CRACD: variants seen among roughly 807,000 people sequenced by gnomAD.
The protein encoded by CRACD is capping protein inhibiting regulator of actin dynamics.
In CRACD, 56 loss-of-function variants were observed where a neutral mutation model predicts 106.8. The ratio of observed to expected loss-of-function variants is 0.52; its 90% CI spans 0.42 to 0.66. The LOEUF (loss-of-function observed/expected upper bound fraction) is 0.66, where lower values mean the gene tolerates loss of function less well. CRACD is among the 30% of genes least tolerant of loss of function. The probability of loss-of-function intolerance (pLI) is 0.00; values close to 1 mark genes in which losing one functional copy is unlikely to be tolerated. For missense variants in CRACD, 1,730 were observed against 1,623.2 expected (o/e 1.07, Z -1.13); for synonymous variants, 754 against 670.8 (o/e 1.12, Z -1.92).
chr4:56,050,775 T>A (rs1731848795), intron 1 of CRACD, among the ~76,000 whole-genome samples: 1 of 152,226 alleles, frequency 6.6e-6, no homozygotes. Context: ...ATCATGTTAC[T>A]GGATCGCCCT....
Position 56,323,477 on chromosome 4 carries a change from G to C in CRACD, c.3288G>C (p.Lys1096Asn). The C allele has an allele frequency of 6.2e-7, 1 of 1,610,762 alleles. No individual in the cohort carries two copies. The highest frequency in any genetic ancestry group is 8.5e-7 in the Non-Finnish European group (1 of 1,179,182). ...QPLWITLALQ[K>N]QKGFREQQAT... Reference sequence around the variant, plus strand: ...TGTGGATAACGTTAGCACTGCAAAAGCAAAAGGGGTTTCGGGAGCAGCAGG... The same window carrying C: ...TGTGGATAACGTTAGCACTGCAAAACCAAAAGGGGTTTCGGGAGCAGCAGG... The change falls in exon 9 of 11, where the codon AAG (lysine) becomes AAC (asparagine). Residue 1096 changes from lysine (K) to asparagine (N), a missense_variant. Lys to Asn is a moderately conservative substitution (Grantham distance 94, BLOSUM62 0). Around this residue, in one of 5 missense-constraint regions of CRACD, gnomAD observed 1,620 missense variants for 1,481.6 expected, o/e 1.09. Coordinates refer to ENST00000682029, the MANE Select transcript of CRACD (RefSeq NM_001393381.1).
At chr4:56,149,672 A>G (rs1262012018) in intron 1 of CRACD, among the ~76,000 whole-genome samples, 1 of 152,248 alleles carries the variant, frequency 6.6e-6, no homozygotes, top group East Asian at 1.9e-4. Context: ...AATAGTCTCA[A>G]TAGAACTTTG....
intron 1 of CRACD, among the ~76,000 whole-genome samples, chr4:56,085,475 G>A (rs2109813245): frequency 6.6e-6 from 1 of 152,290 alleles, no homozygotes; most frequent in East Asian, 1.9e-4. Context: ...CTGCTGAATA[G>A]CTCTGTAGGC....
intron 1 of CRACD, among the ~76,000 whole-genome samples, chr4:56,152,873 A>AT (rs1458337168): frequency 2.0e-5 from 3 of 152,154 alleles, no homozygotes; most frequent in African/African-American, 7.2e-5. Context: ...AGGAGGGAAG[A>AT]TTTATTGCTT....
At chr4:56,292,683 C>T (rs1476210603) in intron 3 of CRACD, among the ~76,000 whole-genome samples, 4 of 152,122 alleles carry the variant, frequency 2.6e-5, no homozygotes, top group African/African-American at 9.7e-5. Flanking sequence ...TGCCACCACG[C>T]CCAGCTAATT....
chr4:56,266,918 A>T lies in CRACD; in HGVS notation c.-188-5403A>T, dbSNP rs113460788. Among the ~76,000 whole-genome samples the T allele has an allele frequency of 6.3e-3, 961 of 152,322 alleles. 2 individuals are homozygous for T. The highest frequency in any genetic ancestry group is 0.014 in the Middle Eastern group (4 of 292). On this transcript the variant is annotated intron_variant, in intron 2 of 10. Transcript: ENST00000682029. ...GAGAGATCTTATATTTGAGATTATC[A>T]ATTGGGGAATCAAATAAGAGTATAA... is the stretch of plus-strand genomic sequence containing the variant.
intron 1 of CRACD, among the ~76,000 whole-genome samples, chr4:56,121,282 G>A (rs140872418): frequency 0.024 from 3,595 of 152,134 alleles, 63 homozygotes; most frequent in Admixed American, 0.057. Flanking sequence ...AAAATACTGC[G>A]CCTTACATTT....
At chr4:56,287,967 C>A (rs1232506700) in intron 3 of CRACD, among the ~76,000 whole-genome samples, 2 of 152,156 alleles carry the variant, frequency 1.3e-5, no homozygotes, top group African/African-American at 4.8e-5. Flanking sequence ...ATTGACTAAG[C>A]CTATTCAAAG....
chr4:56,308,055 A>G (rs1044727907), intron 5 of CRACD, among the ~76,000 whole-genome samples: 1 of 152,018 alleles, frequency 6.6e-6, no homozygotes, highest in South Asian at 2.1e-4. Context: ...CTCCCTATCT[A>G]TGTCCATGTA....
Position 56,327,857 on chromosome 4 carries a change from T to TTTTA in CRACD, c.*65_*68dup. The TTTTA allele has an allele frequency of 6.8e-7, 1 of 1,472,270 alleles. No homozygotes were observed. The highest frequency in any genetic ancestry group is 2.3e-5 in the East Asian group (1 of 43,734). 91.2% of individuals were successfully genotyped at this position (1,472,270 alleles called of 1,614,324 possible). On this transcript the variant is annotated 3_prime_UTR_variant, in exon 11 of 11. Transcript: ENST00000682029. ...CAGTTATTGGCTCCTCTCTTGCCCT[T>TTTTA]TTTATTTATTTATTTTTTATATGGG...
At chr4:56,309,859 A>T (rs1745010443) in intron 5 of CRACD, among the ~76,000 whole-genome samples, 1 of 151,882 alleles carries the variant, frequency 6.6e-6, no homozygotes, top group Admixed American at 6.6e-5. Flanking sequence ...GTCTCAAAAA[A>T]AATATATATA....
At chr4:56,277,440 C>T (rs1742736111) in intron 3 of CRACD, among the ~76,000 whole-genome samples, 1 of 136,906 alleles carries the variant, frequency 7.3e-6, no homozygotes, top group South Asian at 2.2e-4. Context: ...GATCCAACAT[C>T]CTTTCATGAT....
intron 1 of CRACD, among the ~76,000 whole-genome samples, chr4:56,127,387 A>G (rs1042228166): frequency 3.3e-5 from 5 of 152,246 alleles, no homozygotes; most frequent in Non-Finnish European, 7.3e-5. Flanking sequence ...TATTAGAAAG[A>G]ATAGCCTGTA....
chr4:56,217,979 C>T (rs756220694), intron 2 of CRACD, among the ~76,000 whole-genome samples: 1 of 152,136 alleles, frequency 6.6e-6, no homozygotes, highest in Non-Finnish European at 1.5e-5. Flanking sequence ...TCTGTCCTGG[C>T]TTCTGGTAGC....
chr4:56,065,234 C>T (rs1488665661), intron 1 of CRACD, among the ~76,000 whole-genome samples: 1 of 152,026 alleles, frequency 6.6e-6, no homozygotes, highest in Admixed American at 6.6e-5. Context: ...ACTATAGGCT[C>T]ATGCTACCAT....
At position 56,182,274 on chromosome 4, in the gene CRACD, G is replaced by GT. The variant is rs111406661; in HGVS notation, c.-189+2845dup. On this transcript the variant is annotated intron_variant, in intron 2 of 10. Transcript: ENST00000682029. ...GATCCCAGCTACCCAAAAGGCTGAGGTGGGAGGATCACTGGAGCAGGGGAG... is the reference window on the plus strand; with the variant it reads ...GATCCCAGCTACCCAAAAGGCTGAGGTTGGGAGGATCACTGGAGCAGGGGAG... 5.4e-3 allele frequency among the ~76,000 whole-genome samples: 815 copies of GT among 152,216 alleles called. 8 individuals are homozygous for GT. The highest frequency in any genetic ancestry group is 0.019 in the African/African-American group (772 of 41,518).
rs142531093 is a variant in CRACD at position 56,199,001 on chromosome 4, T to A, written c.-189+19571T>A. On this transcript the variant is annotated intron_variant, in intron 2 of 10. Coordinates refer to ENST00000682029, the MANE Select transcript of CRACD (RefSeq NM_001393381.1). ...AGCTTCTGGGTTTTTGTTTATGTTTTGGTGGGCTCCTTTTCATCTCCTCTG... is the reference window on the plus strand; with the variant it reads ...AGCTTCTGGGTTTTTGTTTATGTTTAGGTGGGCTCCTTTTCATCTCCTCTG... 5.5e-3 allele frequency among the ~76,000 whole-genome samples: 835 copies of A among 152,244 alleles called. 6 individuals carry two copies. Among genetic ancestry groups the A allele is most frequent in the African/African-American group, 0.019 (797 of 41,528 alleles).
intron 1 of CRACD, among the ~76,000 whole-genome samples, chr4:56,172,532 G>A (rs1359389763): frequency 6.6e-6 from 1 of 152,126 alleles, no homozygotes; most frequent in African/African-American, 2.4e-5. Flanking sequence ...GCATGATCTC[G>A]GCTCACCGCA....
intron 1 of CRACD, among the ~76,000 whole-genome samples, chr4:56,098,063 T>G (rs924824461): frequency 6.6e-6 from 1 of 152,238 alleles, no homozygotes; most frequent in East Asian, 1.9e-4. Flanking sequence ...TTGCTGTTTC[T>G]GTAAAATATT....
Sources: gnomAD v4.1 joint callset for allele counts (sites outside exome capture counted in the v4.1 genomes callset) on GRCh38, gnomAD v4.1.1 for gene constraint, gnomAD v4.1.1 regional missense constraint, MANE v1.5 for transcripts, NCBI Gene and HGNC (gene_info 2026-07-23, HGNC 2026-07-21) for gene names.